Variants in BAIAP2L2 observed in about 807,000 individuals in gnomAD.
BAIAP2L2 encodes the protein BAR/IMD domain-containing adapter protein 2-like 2.
In BAIAP2L2, 65 loss-of-function variants were observed where a neutral mutation model predicts 60.4. The observed-to-expected ratio is 1.08, with a 90% CI of 0.88 to 1.32. The LOEUF (loss-of-function observed/expected upper bound fraction) is 1.32. Among genes scored for constraint, BAIAP2L2 ranks in the 40% most tolerant of loss-of-function variants. The pLI is 0.00. For synonymous variants in BAIAP2L2, 344 were observed against 301.7 expected, an observed-to-expected ratio of 1.14 and a Z score of -1.45; for missense variants, 836 against 741.2, an observed-to-expected ratio of 1.13 and a Z score of -1.48.
intron 6 of BAIAP2L2, among the ~76,000 whole-genome samples, chr22:38,097,812 A>C (rs2086473645): frequency 1.3e-5 from 2 of 152,046 alleles, no homozygotes; most frequent in Non-Finnish European, 2.9e-5. Context: ...ATGGGTTTGC[A>C]GGAGAGGCCC....
chr22:38,085,234 C>T lies in BAIAP2L2; in HGVS notation c.*66G>A. 2 of 1,529,436 alleles carry T rather than the reference C, an allele frequency of 1.3e-6. No homozygotes were observed. Among genetic ancestry groups the T allele is most frequent in the East Asian group, 4.5e-5 (2 of 44,008 alleles). 94.7% of individuals were successfully genotyped at this position (1,529,436 alleles called of 1,614,324 possible). The stretch of plus-strand genomic sequence containing the variant: ...GGATCTGCTGCTGTTGCTGCTGTCG[C>T]TGCCATTGCCAGCTCTGAACAGCCC... On this transcript the variant is annotated 3_prime_UTR_variant, in exon 14 of 14. Transcript: ENST00000381669.
chr22:38,109,669 C>A (rs1326319426), intron 1 of BAIAP2L2, among the ~76,000 whole-genome samples: 1 of 152,068 alleles, frequency 6.6e-6, no homozygotes, highest in African/African-American at 2.4e-5. Context: ...CCGAGAACAG[C>A]CCCCCATGGG....
At chr22:38,093,658 A>G (rs2086359767) in intron 7 of BAIAP2L2, among the ~76,000 whole-genome samples, 2 of 152,264 alleles carry the variant, frequency 1.3e-5, no homozygotes, top group Admixed American at 1.3e-4. Flanking sequence ...TATTGCAATC[A>G]GATATCGCTT....
At chr22:38,089,473 C>CG (rs930387710) in intron 8 of BAIAP2L2, 49 bp downstream of exon 8, 33 of 1,095,186 alleles carry the variant, frequency 3.0e-5, no homozygotes, top group South Asian at 4.5e-5. Flanking sequence ...CGGGCCCCCG[C>CG]GGGGGGCGGC....
chr22:38,103,537 G>C (rs541889153), intron 4 of BAIAP2L2, among the ~76,000 whole-genome samples: 2 of 152,286 alleles, frequency 1.3e-5, no homozygotes, highest in South Asian at 4.1e-4. Context: ...CTCTTGTCAG[G>C]CAGATAGCAA....
chr22:38,107,204 G>C (rs1447421332), intron 4 of BAIAP2L2, among the ~76,000 whole-genome samples: 1 of 152,162 alleles, frequency 6.6e-6, no homozygotes, highest in Non-Finnish European at 1.5e-5. Context: ...AGTCCAGGGG[G>C]AGGGGTGACT....
In BAIAP2L2 at chr22:38,107,947, G is replaced by C. The variant is rs774545215; in HGVS notation, c.215-34C>G. 5 of 1,607,566 alleles carry C rather than the reference G, an allele frequency of 3.1e-6. No individual in the cohort carries two copies. The East Asian group carries it at 6.7e-5, about 22-fold the overall frequency. ...ATGGATGCAGCTGTGGCTTTGGTGTGTGGCAGCCTGCCCCGCCCACCCACC... is the reference window on the plus strand; with the variant it reads ...ATGGATGCAGCTGTGGCTTTGGTGTCTGGCAGCCTGCCCCGCCCACCCACC... On this transcript the variant is annotated intron_variant, in intron 3 of 13. Transcript: ENST00000381669.
chr22:38,110,216 TC>T (rs1229801935), intron 1 of BAIAP2L2, among the ~76,000 whole-genome samples: 1 of 147,084 alleles, frequency 6.8e-6, no homozygotes, highest in Non-Finnish European at 1.5e-5. Context: ...GCCCTTCTCA[TC>T]CAGACTCAAC....
intron 5 of BAIAP2L2, 106 bp from the exon 6 acceptor site, chr22:38,098,285 C>A: frequency 1.4e-6 from 2 of 1,467,218 alleles, no homozygotes; most frequent in Non-Finnish European, 1.9e-6. Context: ...TGGGGCTCAG[C>A]TGGGAACATG....
chr22:38,085,561 C>G (rs897303139), intron 13 of BAIAP2L2, 125 bp downstream of exon 13: 3 of 1,333,628 alleles, frequency 2.2e-6, no homozygotes, highest in Non-Finnish European at 3.2e-6. Flanking sequence ...GTTGCTCAAG[C>G]TGATGTTGAA....
intron 7 of BAIAP2L2, among the ~76,000 whole-genome samples, chr22:38,096,199 T>C (rs1400400799): frequency 6.6e-6 from 1 of 152,068 alleles, no homozygotes; most frequent in African/African-American, 2.4e-5. Flanking sequence ...AGTACATAAA[T>C]GGCAATATTT....
chr22:38,087,188 T>TGGAGGTCATGGGGGTCAC lies in BAIAP2L2; in HGVS notation c.1194_1195insGTGACCCCCATGACCTCC (p.Pro398_Met399insValThrProMetThrSer). 6.2e-7 allele frequency: 1 copy of TGGAGGTCATGGGGGTCAC among 1,601,126 alleles called. No individual in the cohort carries two copies. Among genetic ancestry groups the TGGAGGTCATGGGGGTCAC allele is most frequent in the Admixed American group, 1.8e-5 (1 of 56,724 alleles). ...GGGGACATGGAGGTCATGGAGGTCA[T>TGGAGGTCATGGGGGTCAC]GGGGGTCACGGGGGTCATGGGATTC... On this transcript the variant is annotated inframe_insertion, in exon 11 of 14. Transcript: ENST00000381669.
rs754371573 is a variant in BAIAP2L2, at chr22:38,108,259, A to T, written c.210T>A (p.Ile70=). The change falls in exon 3 of 14, where the codon ATT becomes ATA. Residue 70 remains isoleucine, a synonymous_variant. Transcript: ENST00000381669. ...ERALQSPTSQ[I]LGEILVQMSD... ...GCTGTGGAGGGGGAGCCTCACCCAG[A>T]ATCTGTGAGGTGGGGCTCTGCAGGG... is the stretch of plus-strand genomic sequence containing the variant. 1 of 1,612,132 alleles carries T rather than the reference A, an allele frequency of 6.2e-7. No homozygotes were observed. The highest frequency in any genetic ancestry group is 1.1e-5 in the South Asian group (1 of 90,892).
rs2086447534 is a variant in BAIAP2L2 at position 38,097,016 on chromosome 22, CCCCA to C, written c.612+12_612+15del. ...TCCTAGAAGCGCCCCGCTTGCTGCC[CCCCA>C]GTCCAACTCACCCGGCCGAAGAACT... On this transcript the variant is annotated intron_variant, in intron 7 of 13. Transcript: ENST00000381669. 3 of 1,604,836 alleles carry C rather than the reference CCCCA, an allele frequency of 1.9e-6. No homozygotes were observed. In the East Asian group the frequency reaches 6.7e-5, roughly 36 times the overall value.
chr22:38,089,045 AC>A, intron 9 of BAIAP2L2, 50 bp downstream of exon 9: 2 of 1,394,220 alleles, frequency 1.4e-6, no homozygotes, highest in Non-Finnish European at 1.9e-6. Flanking sequence ...CTGCAGCCCC[AC>A]CCCCGCGCCT....
intron 1 of BAIAP2L2, among the ~76,000 whole-genome samples, chr22:38,109,553 C>A (rs891184721): frequency 6.6e-6 from 1 of 152,172 alleles, no homozygotes; most frequent in African/African-American, 2.4e-5. Context: ...CTGCTGTGGT[C>A]CCCACTGGGC....
intron 4 of BAIAP2L2, 72 bp downstream of exon 4, chr22:38,107,780 C>G: frequency 1.4e-6 from 2 of 1,430,682 alleles, no homozygotes; most frequent in Non-Finnish European, 2.0e-6. Context: ...ATCTGGTAGG[C>G]TGGGCCCTCT....
intron 4 of BAIAP2L2, among the ~76,000 whole-genome samples, chr22:38,104,749 G>A (rs1378632183): frequency 1.3e-5 from 2 of 152,082 alleles, no homozygotes; most frequent in African/African-American, 2.4e-5. Flanking sequence ...GCCTGCCTTG[G>A]CCTCCCAAAG....
chr22:38,085,564 A>T, intron 13 of BAIAP2L2, 122 bp downstream of exon 13: 1 of 1,336,784 alleles, frequency 7.5e-7, no homozygotes, highest in Non-Finnish European at 1.1e-6. Flanking sequence ...GCTCAAGCTG[A>T]TGTTGAACTG....
Sources: gnomAD v4.1 joint callset for allele counts (sites outside exome capture counted in the v4.1 genomes callset) on GRCh38, gnomAD v4.1.1 for gene constraint, MANE v1.5 for transcripts, NCBI Gene and HGNC (gene_info 2026-07-23, HGNC 2026-07-21) for gene names.